The following SLC26A11 variants were observed in gnomAD, a reference collection of about 807,000 sequenced individuals.
The protein encoded by SLC26A11 is sodium-independent sulfate anion transporter.
In SLC26A11, 58 loss-of-function variants were observed where a neutral mutation model predicts 62.2. The ratio of observed to expected loss-of-function variants is 0.93; its 90% CI spans 0.76 to 1.16. The LOEUF (loss-of-function observed/expected upper bound fraction) is 1.16, where lower values mean the gene tolerates loss of function less well. Ranked by LOEUF, SLC26A11 falls within the 50% of genes most tolerant of loss-of-function variation. The pLI is 0.00. For synonymous variants in SLC26A11, 411 were observed against 368.9 expected, an observed-to-expected ratio of 1.11 and a Z score of -1.31; for missense variants, 790 against 794.3, an observed-to-expected ratio of 0.99 and a Z score of 0.06.
intron 7 of SLC26A11, among the ~76,000 whole-genome samples, chr17:80,232,819 C>G (rs114066128): frequency 6.6e-6 from 1 of 152,004 alleles, no homozygotes; most frequent in African/African-American, 2.4e-5. Context: ...ATTTTACATC[C>G]TTTATTGGCT....
intron 7 of SLC26A11, among the ~76,000 whole-genome samples, chr17:80,232,539 C>T (rs2042591100): frequency 6.6e-6 from 1 of 152,096 alleles, no homozygotes; most frequent in African/African-American, 2.4e-5. Flanking sequence ...CCACACCCAG[C>T]CTCCTATCTT....
chr17:80,248,129 G>C lies in SLC26A11; in HGVS notation c.1295-1G>C, dbSNP rs757642218. 1 of 1,601,562 alleles carries C rather than the reference G, an allele frequency of 6.2e-7. No homozygotes were observed. The highest frequency in any genetic ancestry group is 1.1e-5 in the South Asian group (1 of 90,828). On this transcript the variant is annotated splice_acceptor_variant, in intron 13 of 17. Transcript: ENST00000361193. LOFTEE classifies it high-confidence loss of function. ...ATTCCTCAGCTGTGCCCTTCTCCTA[G>C]GGCTGGACCTGCTGCCCCTGTGCGT...
rs1340760284 is a variant in SLC26A11 at position 80,246,219 on chromosome 17, C to T, written c.1153+10C>T. On this transcript the variant is annotated intron_variant, in intron 12 of 17. Coordinates refer to ENST00000361193, the MANE Select transcript of SLC26A11 (RefSeq NM_001166347.2). The surrounding 1 kb of genome is among the most constrained non-coding windows in gnomAD (Gnocchi z 4.4). The stretch of plus-strand genomic sequence containing the variant: ...GGGGGCCTGGTGACGGGTAAGGCCC[C>T]CCATCTTCCCCTTGTGCCCGCAGCC... 2 of 1,607,260 alleles carry T rather than the reference C, an allele frequency of 1.2e-6. No individual in the cohort carries two copies. Among genetic ancestry groups the T allele is most frequent in the Admixed American group, 1.7e-5 (1 of 58,614 alleles).
chr17:80,245,213 G>A lies in SLC26A11; in HGVS notation c.1054G>A (p.Gly352Ser), dbSNP rs143667170. The stretch of plus-strand genomic sequence containing the variant: ...CTCCCCAGGTCTCACCAACATGTTG[G>A]GCTCCCTCGTCTCCTCCTACCCGGT... Reference protein sequence around the residue: ...LLAIGLTNMLGSLVSSYPVTG... With the variant: ...LLAIGLTNMLSSLVSSYPVTG... The change falls in exon 11 of 18, where the codon GGC (glycine) becomes AGC (serine). Residue 352 changes from glycine (G) to serine (S), a missense_variant. Coordinates refer to ENST00000361193, the MANE Select transcript of SLC26A11 (RefSeq NM_001166347.2). The A allele has an allele frequency of 3.8e-5, 62 of 1,613,756 alleles. No individual in the cohort carries two copies. In the African/African-American group the frequency reaches 6.9e-4, roughly 18 times the overall value.
At chr17:80,245,878 TG>T (rs936574289) in intron 11 of SLC26A11, among the ~76,000 whole-genome samples, 18 of 152,270 alleles carry the variant, frequency 1.2e-4, no homozygotes, top group African/African-American at 4.1e-4. Context: ...CTGCTGGGTA[TG>T]GGGGCCCCAC....
At chr17:80,240,733 G>A (rs1257884369) in intron 9 of SLC26A11, among the ~76,000 whole-genome samples, 1 of 151,848 alleles carries the variant, frequency 6.6e-6, no homozygotes, top group Non-Finnish European at 1.5e-5. Context: ...AACCCGGGAG[G>A]CAGAGGTTGC....
chr17:80,228,523 G>A lies in SLC26A11; in HGVS notation c.736+563G>A, dbSNP rs1248355350. On this transcript the variant is annotated intron_variant, in intron 7 of 17. Coordinates refer to ENST00000361193, the MANE Select transcript of SLC26A11 (RefSeq NM_001166347.2). The surrounding 1 kb of genome is among the most constrained non-coding windows in gnomAD (Gnocchi z 4.1). ...AACTGATGCATGGCCAGCTGTGGCC[G>A]TTCTCAACCTGAAGCAGTTTTGCCC... is the stretch of plus-strand genomic sequence containing the variant. Among the ~76,000 whole-genome samples the A allele has an allele frequency of 6.6e-6, 1 of 152,180 alleles. No individual in the cohort carries two copies. The highest frequency in any genetic ancestry group is 1.5e-5 in the Non-Finnish European group (1 of 68,036).
At position 80,249,255 on chromosome 17, in the gene SLC26A11, C is replaced by G. The variant is rs2043095571; in HGVS notation, c.1624C>G (p.Gln542Glu). 3 of 1,611,280 alleles carry G rather than the reference C, an allele frequency of 1.9e-6. No homozygotes were observed. The highest frequency in any genetic ancestry group is 2.5e-6 in the Non-Finnish European group (3 of 1,179,994). Residue 542 changes from glutamine (Q) to glutamate (E), a missense_variant, in exon 16 of 18, where the codon CAG becomes GAG. Transcript: ENST00000361193. Reference sequence around the variant, plus strand: ...CGAGCTCCTCCAGGACTTCCAGAAGCAGGGCGTCGCCCTGGCCTTTGTGGG... The same window carrying G: ...CGAGCTCCTCCAGGACTTCCAGAAGGAGGGCGTCGCCCTGGCCTTTGTGGG... ...LGELLQDFQK[Q>E]GVALAFVGLQ...
intron 10 of SLC26A11, 64 bp from the exon 11 acceptor site, chr17:80,245,132 A>G (rs2042960569): frequency 2.0e-6 from 3 of 1,508,790 alleles, no homozygotes; most frequent in African/African-American, 1.4e-5. Flanking sequence ...CCCCCTCCCC[A>G]TCTCCTTTCC....
chr17:80,225,302 A>C (rs568035212), intron 5 of SLC26A11, among the ~76,000 whole-genome samples: 1 of 152,226 alleles, frequency 6.6e-6, no homozygotes, highest in Admixed American at 6.5e-5. Flanking sequence ...GGATTCCCCA[A>C]GCTGGTTTCT....
In SLC26A11 at chr17:80,223,173, TC is replaced by T. The variant is rs967015556; in HGVS notation, c.428-75del. Reference sequence around the variant, plus strand: ...TCCCCAATCCCACCCATTGCCACCTTCCCCAGCTCACATCTCCCCTCATCCT... The same window carrying T: ...TCCCCAATCCCACCCATTGCCACCTTCCCAGCTCACATCTCCCCTCATCCT... On this transcript the variant is annotated intron_variant, in intron 4 of 17. Coordinates refer to ENST00000361193, the MANE Select transcript of SLC26A11 (RefSeq NM_001166347.2). The surrounding 1 kb of genome is among the most constrained non-coding windows in gnomAD (Gnocchi z 4.6). The T allele has an allele frequency of 2.0e-5, 27 of 1,349,958 alleles. No individual in the cohort carries two copies. The highest frequency in any genetic ancestry group is 2.7e-5 in the Non-Finnish European group (26 of 948,430). 83.6% of individuals were successfully genotyped at this position (1,349,958 alleles called of 1,614,324 possible).
chr17:80,222,676 A>G lies in SLC26A11; in HGVS notation c.256A>G (p.Met86Val), dbSNP rs141472706. The G allele has an allele frequency of 2.5e-6, 4 of 1,613,864 alleles. No individual in the cohort carries two copies. Among genetic ancestry groups the G allele is most frequent in the Non-Finnish European group, 3.4e-6 (4 of 1,179,990 alleles). Reference protein sequence around the residue: ...PPQYGLYSAFMGCFVYFFLGT... With the variant: ...PPQYGLYSAFVGCFVYFFLGT... ...ACAGTATGGCCTCTACTCTGCCTTC[A>G]TGGGCTGCTTCGTGTATTTCTTCCT... is the stretch of plus-strand genomic sequence containing the variant. The change falls in exon 4 of 18, where the codon ATG becomes GTG. Residue 86 changes from methionine (M) to valine (V), a missense_variant. Coordinates refer to ENST00000361193, the MANE Select transcript of SLC26A11 (RefSeq NM_001166347.2). This position sits in a 1 kb window ranked among gnomAD's most constrained non-coding sequence, Gnocchi z 4.7.
chr17:80,230,181 G>A (rs1415851100), intron 7 of SLC26A11, among the ~76,000 whole-genome samples: 7 of 141,920 alleles, frequency 4.9e-5, no homozygotes, highest in African/African-American at 1.3e-4. Flanking sequence ...GCAACAGAGC[G>A]AGACTCCTTC....
intron 7 of SLC26A11, among the ~76,000 whole-genome samples, chr17:80,234,249 CCCT>C (rs1567954110): frequency 2.0e-5 from 3 of 152,240 alleles, no homozygotes; most frequent in Admixed American, 6.5e-5. Context: ...AGGTGATCCG[CCCT>C]CCTTGGCCTC....
intron 7 of SLC26A11, among the ~76,000 whole-genome samples, chr17:80,232,316 G>A (rs776179718): frequency 5.3e-5 from 8 of 151,462 alleles, no homozygotes; most frequent in African/African-American, 1.2e-4. Flanking sequence ...GTGCAATGGC[G>A]TGATCTTGGC....
chr17:80,221,155 G>T (rs1251018151), intron 2 of SLC26A11, 40 bp downstream of exon 2: 3 of 169,322 alleles, frequency 1.8e-5, no homozygotes, highest in Non-Finnish European at 3.8e-5. Flanking sequence ...GCTGCTCCCC[G>T]TTAAATTCCC....
rs973246464 is a variant in SLC26A11 at position 80,252,060 on chromosome 17, G to T, written c.1730-565G>T. Among the ~76,000 whole-genome samples, 52 of 152,154 alleles carry T rather than the reference G, an allele frequency of 3.4e-4. No individual in the cohort carries two copies. Among genetic ancestry groups the T allele is most frequent in the African/African-American group, 1.2e-3 (51 of 41,432 alleles). Reference sequence around the variant, plus strand: ...CGGGACAGAAGGTACGGGAGGGACAGGAGCAGGGTGGGCGCTGACCCTTGA... The same window carrying T: ...CGGGACAGAAGGTACGGGAGGGACATGAGCAGGGTGGGCGCTGACCCTTGA... On this transcript the variant is annotated intron_variant, in intron 17 of 17. Transcript: ENST00000361193. This position sits in a 1 kb window ranked among gnomAD's most constrained non-coding sequence, Gnocchi z 5.2.
At position 80,248,621 on chromosome 17, in the gene SLC26A11, C is replaced by A; in HGVS notation, c.1469C>A (p.Ser490Tyr). ...VLVLQPASGLSFPAMEALREE... is the reference protein window; with the variant it reads ...VLVLQPASGLYFPAMEALREE... ...GTCCTGCAGCCGGCCAGCGGCCTGT[C>A]CTTCCCTGCCATGGAGGCTCTGCGG... The change falls in exon 15 of 18, where the codon TCC becomes TAC. Residue 490 changes from serine to tyrosine, a missense_variant. Coordinates refer to ENST00000361193, the MANE Select transcript of SLC26A11 (RefSeq NM_001166347.2). 1 of 1,590,894 alleles carries A rather than the reference C, an allele frequency of 6.3e-7. No individual in the cohort carries two copies. The highest frequency in any genetic ancestry group is 2.3e-5 in the East Asian group (1 of 43,582).
intron 7 of SLC26A11, among the ~76,000 whole-genome samples, chr17:80,236,433 A>G (rs2144924446): frequency 6.6e-6 from 1 of 152,316 alleles, no homozygotes; most frequent in African/African-American, 2.4e-5. Flanking sequence ...CATGGGGACC[A>G]TCGGGGAAAC....
Sources: allele counts gnomAD v4.1 joint callset (sites outside exome capture counted in the v4.1 genomes callset), GRCh38; gene constraint gnomAD v4.1.1; non-coding constraint Gnocchi (gnomAD v3.1); transcripts MANE v1.5; gene names NCBI Gene and HGNC (gene_info 2026-07-23, HGNC 2026-07-21).